Variants in SHROOM3 observed in about 807,000 individuals in gnomAD.
SHROOM3 encodes the protein shroom family member 3, also known as protein Shroom3.
SHROOM3 carries 47 observed loss-of-function variants against 138.6 expected under a neutral mutation model. That is an observed-to-expected ratio of 0.34 (90% CI 0.27 to 0.43). The LOEUF (loss-of-function observed/expected upper bound fraction) is 0.43. Ranked by LOEUF, SHROOM3 falls within the 20% of genes least tolerant of loss-of-function variation. SHROOM3 has a pLI of 1.00. For synonymous variants in SHROOM3, 1,062 were observed against 1,063.3 expected, an observed-to-expected ratio of 1.00 and a Z score of 0.02; for missense variants, 2,491 against 2,596.5, an observed-to-expected ratio of 0.96 and a Z score of 0.88.
At chr4:76,621,000 T>C (rs1734993377) in intron 2 of SHROOM3, among the ~76,000 whole-genome samples, 1 of 152,104 alleles carries the variant, frequency 6.6e-6, no homozygotes, top group Non-Finnish European at 1.5e-5. Flanking sequence ...CCCTTAAGCA[T>C]CCTGCCCTCC....
At chr4:76,540,047 C>T (rs1310983462) in intron 1 of SHROOM3, among the ~76,000 whole-genome samples, 3 of 152,178 alleles carry the variant, frequency 2.0e-5, no homozygotes, top group East Asian at 1.9e-4. Flanking sequence ...AGGGTTTCGC[C>T]ATGTTGGCCT....
At chr4:76,520,319 C>T (rs1162219873) in intron 1 of SHROOM3, among the ~76,000 whole-genome samples, 1 of 152,056 alleles carries the variant, frequency 6.6e-6, no homozygotes, top group Non-Finnish European at 1.5e-5. Flanking sequence ...TGTTATCTTC[C>T]CTTGCTTTAT....
intron 3 of SHROOM3, among the ~76,000 whole-genome samples, chr4:76,714,194 T>C (rs1720309176): frequency 6.6e-6 from 1 of 152,232 alleles, no homozygotes; most frequent in East Asian, 1.9e-4. Flanking sequence ...CAGACTTAAC[T>C]TTATATAAAC....
At chr4:76,449,985 G>C (rs1730892954) in intron 1 of SHROOM3, among the ~76,000 whole-genome samples, 1 of 152,150 alleles carries the variant, frequency 6.6e-6, no homozygotes, top group Admixed American at 6.5e-5. Context: ...TAAAAATTGA[G>C]CTTGTATGTG....
chr4:76,507,695 T>C (rs985205196), intron 1 of SHROOM3, among the ~76,000 whole-genome samples: 3 of 151,894 alleles, frequency 2.0e-5, no homozygotes, highest in Non-Finnish European at 4.4e-5. Flanking sequence ...CCCGCCACCA[T>C]GCCTGGCCTG....
At chr4:76,471,245 T>TC (rs1250379162) in intron 1 of SHROOM3, among the ~76,000 whole-genome samples, 1 of 150,350 alleles carries the variant, frequency 6.7e-6, no homozygotes, top group Non-Finnish European at 1.5e-5. Flanking sequence ...TTCCTTTCTT[T>TC]CTTTTTTTTT....
chr4:76,754,609 C>T lies in SHROOM3; in HGVS notation c.4126C>T (p.Gln1376Ter). The T allele has an allele frequency of 6.2e-7, 1 of 1,614,194 alleles. No homozygotes were observed. The highest frequency in any genetic ancestry group is 8.5e-7 in the Non-Finnish European group (1 of 1,180,032). Residue 1376 changes from glutamine (Q) to a stop codon, truncating the protein, a stop_gained, in exon 7 of 11, where the codon CAG becomes TAG. Transcript: ENST00000296043. LOFTEE classifies it high-confidence loss of function. ...CTCACAGGACGGTCAGACAGGGCGA[C>T]AGCCTCTCCCGCCCTACACCCCTGC... is the stretch of plus-strand genomic sequence containing the variant. ...YCSQDGQTGR[Q>*]PLPPYTPAMM...
intron 2 of SHROOM3, among the ~76,000 whole-genome samples, chr4:76,624,019 G>A (rs1298020298): frequency 6.6e-6 from 1 of 152,092 alleles, no homozygotes; most frequent in East Asian, 1.9e-4. Context: ...CTTGTACATG[G>A]ATTTTAAATT....
chr4:76,488,149 C>A (rs533108310), intron 1 of SHROOM3, among the ~76,000 whole-genome samples: 128 of 152,154 alleles, frequency 8.4e-4, no homozygotes, highest in African/African-American at 3.0e-3. Context: ...GTATTGAAGG[C>A]AAATTGTTTA....
At chr4:76,598,793 C>T (rs916837642) in intron 2 of SHROOM3, among the ~76,000 whole-genome samples, 8 of 152,042 alleles carry the variant, frequency 5.3e-5, no homozygotes, top group African/African-American at 1.5e-4. Context: ...GAACAGAACC[C>T]AGAAAGGTGA....
At chr4:76,505,128 T>C (rs1196747026) in intron 1 of SHROOM3, among the ~76,000 whole-genome samples, 2 of 152,224 alleles carry the variant, frequency 1.3e-5, no homozygotes, top group African/African-American at 4.8e-5. Context: ...TTACTTTGTG[T>C]ACCCATGTCC....
intron 1 of SHROOM3, among the ~76,000 whole-genome samples, chr4:76,479,341 G>T (rs1371470134): frequency 6.6e-6 from 1 of 151,656 alleles, no homozygotes; most frequent in Non-Finnish European, 1.5e-5. Context: ...ATATACACAA[G>T]TATCAATAGC....
chr4:76,534,584 A>T (rs1226147617), intron 1 of SHROOM3, among the ~76,000 whole-genome samples: 1 of 152,204 alleles, frequency 6.6e-6, no homozygotes, highest in Non-Finnish European at 1.5e-5. Context: ...AAGAAATAAT[A>T]AGTTACCAGA....
chr4:76,487,915 T>G (rs907818171), intron 1 of SHROOM3, among the ~76,000 whole-genome samples: 9 of 152,214 alleles, frequency 5.9e-5, no homozygotes, highest in Non-Finnish European at 7.3e-5. Context: ...TTAGTGTCAC[T>G]TACAGAGCTA....
chr4:76,678,997 G>A (rs1339776009), intron 2 of SHROOM3, among the ~76,000 whole-genome samples: 1 of 152,172 alleles, frequency 6.6e-6, no homozygotes, highest in African/African-American at 2.4e-5. Flanking sequence ...TAGTTTTGTT[G>A]TTGATGTTTT....
intron 1 of SHROOM3, among the ~76,000 whole-genome samples, chr4:76,549,350 T>C (rs541953647): frequency 1.1e-4 from 16 of 152,130 alleles, no homozygotes; most frequent in African/African-American, 3.9e-4. Context: ...AGCCTTGTTC[T>C]AGCCAATGGC....
chr4:76,445,280 A>C (rs2109966265), intron 1 of SHROOM3, among the ~76,000 whole-genome samples: 1 of 152,222 alleles, frequency 6.6e-6, no homozygotes, highest in South Asian at 2.1e-4. Flanking sequence ...GAAACACTGA[A>C]CAGATTATTC....
At chr4:76,771,033 T>TA in intron 10 of SHROOM3, 135 bp downstream of exon 10, 1 of 1,158,626 alleles carries the variant, frequency 8.6e-7, no homozygotes, top group South Asian at 1.3e-5. Context: ...AATACATGTA[T>TA]AGGTAACCAA....
intron 9 of SHROOM3, among the ~76,000 whole-genome samples, chr4:76,767,822 T>G (rs1722214135): frequency 1.3e-5 from 2 of 152,178 alleles, no homozygotes; most frequent in South Asian, 4.1e-4. Context: ...TCAAAAAAAG[T>G]CATTAATAGA....
Sources: gnomAD v4.1 joint callset for allele counts (sites outside exome capture counted in the v4.1 genomes callset) on GRCh38, gnomAD v4.1.1 for gene constraint, MANE v1.5 for transcripts, NCBI Gene and HGNC (gene_info 2026-07-23, HGNC 2026-07-21) for gene names.